Variants in ANK2 observed in about 807,000 individuals in gnomAD.
ANK2 encodes the protein ankyrin 2, also known as ankyrin-2.
In ANK2, 83 loss-of-function variants were observed where a neutral mutation model predicts 360.5. That is an observed-to-expected ratio of 0.23 (90% CI 0.19 to 0.28). The LOEUF is 0.28. Ranked by LOEUF, ANK2 falls within the 10% of genes least tolerant of loss-of-function variation. The pLI is 1.00. For missense variants in ANK2, 4,201 were observed against 4,795.7 expected (o/e 0.88, Z 3.66); for synonymous variants, 1,740 against 1,759.5 (o/e 0.99, Z 0.28).
At chr4:113,107,239 C>T (rs768206101) in intron 1 of ANK2, among the ~76,000 whole-genome samples, 7 of 151,858 alleles carry the variant, frequency 4.6e-5, no homozygotes, top group Non-Finnish European at 1.0e-4. Context: ...TTTCTTGAGA[C>T]GAAGTTTTGC....
intron 2 of ANK2, among the ~76,000 whole-genome samples, chr4:113,025,382 A>G (rs1400798110): frequency 3.3e-5 from 5 of 152,164 alleles, no homozygotes; most frequent in Admixed American, 6.6e-5. Flanking sequence ...GTGTCCCCAT[A>G]TTCCATTTCT....
chr4:113,370,587 G>A lies in ANK2; in HGVS notation c.11610+782G>A, dbSNP rs142472608. On this transcript the variant is annotated intron_variant, in intron 43 of 45. Transcript: ENST00000357077. ...ATCCTGGCTAACATGGTGAAACCTCGTCTCTACTACAAATACAAAAAAATT... is the reference window on the plus strand; with the variant it reads ...ATCCTGGCTAACATGGTGAAACCTCATCTCTACTACAAATACAAAAAAATT... 9.9e-4 allele frequency among the ~76,000 whole-genome samples: 150 copies of A among 152,040 alleles called. 1 individual carries two copies. The highest frequency in any genetic ancestry group is 3.0e-3 in the African/African-American group (126 of 41,472).
intron 2 of ANK2, among the ~76,000 whole-genome samples, chr4:113,186,731 T>C (rs1456845902): frequency 6.6e-6 from 1 of 152,150 alleles, no homozygotes; most frequent in African/African-American, 2.4e-5. Context: ...GGAAACCTTA[T>C]TTTAAAATGG....
intron 1 of ANK2, among the ~76,000 whole-genome samples, chr4:113,172,997 A>C (rs6813737): frequency 0.36 from 54,339 of 152,052 alleles, 10,126 homozygotes; most frequent in African/African-American, 0.46. Flanking sequence ...ATTGGTACAG[A>C]CTTCAGGAAG....
chr4:113,299,705 C>CAA (rs869269685), intron 22 of ANK2, among the ~76,000 whole-genome samples: 14 of 75,060 alleles, frequency 1.9e-4, no homozygotes, highest in African/African-American at 1.9e-4. Context: ...AACGACATCT[C>CAA]AAAAAAAAAA....
intron 26 of ANK2, among the ~76,000 whole-genome samples, chr4:113,325,712 TTG>T (rs1305209266): frequency 6.6e-6 from 1 of 152,196 alleles, no homozygotes; most frequent in Non-Finnish European, 1.5e-5. Context: ...GTATATTGTA[TTG>T]TGTTTAAGAT....
the ANK2 span, among the ~76,000 whole-genome samples, chr4:112,735,138 A>T: frequency 1.3e-5 from 2 of 152,102 alleles, no homozygotes; most frequent in Non-Finnish European, 2.9e-5. Context: ...TAATCCCAGC[A>T]CTGTGAGAGG....
intron 2 of ANK2, among the ~76,000 whole-genome samples, chr4:113,008,782 T>C (rs1013880016): frequency 7.2e-5 from 11 of 152,132 alleles, no homozygotes; most frequent in Admixed American, 2.6e-4. Context: ...TCCTTGCTGA[T>C]GGTAGGCAGA....
the ANK2 span, among the ~76,000 whole-genome samples, chr4:112,734,099 G>T: frequency 2.1e-4 from 31 of 150,588 alleles, no homozygotes; most frequent in African/African-American, 7.5e-4. Context: ...ATATGATGTG[G>T]TGTGTGTGTG....
At chr4:112,823,931 G>A (rs1478782896) in intron 1 of ANK2, among the ~76,000 whole-genome samples, 1 of 152,132 alleles carries the variant, frequency 6.6e-6, no homozygotes, top group Non-Finnish European at 1.5e-5. Flanking sequence ...TGAGATTACT[G>A]TTTGGGGTCC....
chr4:113,135,720 T>C (rs2096367537), intron 1 of ANK2, among the ~76,000 whole-genome samples: 2 of 152,290 alleles, frequency 1.3e-5, no homozygotes, highest in Admixed American at 6.5e-5. Context: ...ATCTTGTGGT[T>C]CATGGCTACT....
intron 23 of ANK2, among the ~76,000 whole-genome samples, chr4:113,307,944 A>G (rs1006021883): frequency 1.3e-5 from 2 of 152,244 alleles, no homozygotes; most frequent in African/African-American, 4.8e-5. Flanking sequence ...GGGAATCATC[A>G]TTCTATTAAG....
At chr4:112,916,594 TAA>T (rs1345338269) in intron 2 of ANK2, among the ~76,000 whole-genome samples, 2 of 152,200 alleles carry the variant, frequency 1.3e-5, no homozygotes, top group Non-Finnish European at 2.9e-5. Flanking sequence ...TTACTGCGAG[TAA>T]AAGTGTCAAC....
At chr4:112,861,073 A>G (rs779118542) in intron 1 of ANK2, among the ~76,000 whole-genome samples, 1 of 152,206 alleles carries the variant, frequency 6.6e-6, no homozygotes, top group Non-Finnish European at 1.5e-5. Flanking sequence ...TTGTCTCTAC[A>G]CTCTGATGCG....
intron 42 of ANK2, among the ~76,000 whole-genome samples, 187 bp from the exon 43 acceptor site, chr4:113,369,327 A>G (rs2096647046): frequency 6.6e-6 from 1 of 152,256 alleles, no homozygotes. Flanking sequence ...TAGATCAATG[A>G]GCTACAACTC....
At chr4:112,964,766 T>TCA (rs1364333254) in intron 2 of ANK2, among the ~76,000 whole-genome samples, 1 of 152,050 alleles carries the variant, frequency 6.6e-6, no homozygotes, top group Non-Finnish European at 1.5e-5. Context: ...AGACGGGGTT[T>TCA]CACTGTGTTA....
In ANK2 at chr4:113,187,408, G is replaced by A. The variant is rs138424225; in HGVS notation, c.187-8960G>A. Among the ~76,000 whole-genome samples the A allele has an allele frequency of 8.1e-3, 1,234 of 152,228 alleles. 15 individuals are homozygous for A. The highest frequency in any genetic ancestry group is 0.028 in the African/African-American group (1,170 of 41,526). ...AAGTTCCCTTGGAATTATAAGTCTC[G>A]ATGCCAAACTAATGGTCACTTTGGC... On this transcript the variant is annotated intron_variant, in intron 2 of 45. Transcript: ENST00000357077.
intron 1 of ANK2, chr4:113,145,930 A>G (rs2096816162): frequency 7.8e-7 from 1 of 1,289,738 alleles, no homozygotes; most frequent in African/African-American, 1.5e-5. Flanking sequence ...GCACAAGGAA[A>G]CATGCAGGAA....
At chr4:112,720,761 G>A in the ANK2 span, among the ~76,000 whole-genome samples, 1 of 152,162 alleles carries the variant, frequency 6.6e-6, no homozygotes, top group Non-Finnish European at 1.5e-5. Context: ...AATAATTAAG[G>A]TATTTCAAAG....
Sources: allele counts gnomAD v4.1 joint callset (sites outside exome capture counted in the v4.1 genomes callset), GRCh38; gene constraint gnomAD v4.1.1; transcripts MANE v1.5; gene names NCBI Gene and HGNC (gene_info 2026-07-23, HGNC 2026-07-21).